Variants in ABCB5 observed in about 807,000 individuals in gnomAD.
The protein encoded by ABCB5 is ATP binding cassette subfamily B member 5.
ABCB5 carries 155 observed loss-of-function variants against 144.2 expected under a neutral mutation model. The observed-to-expected ratio is 1.08, with a 90% CI of 0.94 to 1.23. The LOEUF (loss-of-function observed/expected upper bound fraction) is 1.23, where lower values mean the gene tolerates loss of function less well. ABCB5 is among the 50% of genes most tolerant of loss of function. ABCB5 has a pLI of 0.00. For synonymous variants in ABCB5, 610 were observed against 528.6 expected (o/e 1.15, Z -2.11); for missense variants, 1,830 against 1,520.8 (o/e 1.20, Z -3.38).
At chr7:20,627,558 G>A (rs548440672) in intron 3 of ABCB5, among the ~76,000 whole-genome samples, 7 of 151,972 alleles carry the variant, frequency 4.6e-5, no homozygotes, top group Admixed American at 6.6e-5. Flanking sequence ...TTTTGCTCAT[G>A]ATTTGGTTTT....
At chr7:20,644,135 G>A (rs1784354321) in intron 7 of ABCB5, among the ~76,000 whole-genome samples, 1 of 151,798 alleles carries the variant, frequency 6.6e-6, no homozygotes, top group South Asian at 2.1e-4. Context: ...ACACAGGCTG[G>A]AGTGCAGTGG....
chr7:20,715,149 A>G (rs1364829261), intron 20 of ABCB5, among the ~76,000 whole-genome samples: 3 of 152,070 alleles, frequency 2.0e-5, no homozygotes, highest in Admixed American at 2.0e-4. Context: ...GGTTCACCCA[A>G]TTCTCCTGCC....
At chr7:20,719,508 T>C (rs1331726791) in intron 20 of ABCB5, among the ~76,000 whole-genome samples, 1 of 152,212 alleles carries the variant, frequency 6.6e-6, no homozygotes, top group African/African-American at 2.4e-5. Flanking sequence ...GTATACACTT[T>C]AATGAATATC....
intron 14 of ABCB5, among the ~76,000 whole-genome samples, chr7:20,679,942 C>T (rs1785735302): frequency 6.6e-6 from 1 of 151,730 alleles, no homozygotes; most frequent in Admixed American, 6.6e-5. Flanking sequence ...TACATATGTT[C>T]ATCAAATAAA....
chr7:20,650,482 G>C (rs1033896174), intron 12 of ABCB5, among the ~76,000 whole-genome samples: 3 of 151,960 alleles, frequency 2.0e-5, no homozygotes, highest in Non-Finnish European at 4.4e-5. Context: ...GAAAAATAGC[G>C]TATTAACATC....
Position 20,745,224 on chromosome 7 carries a change from T to G in ABCB5, c.3223-8T>G. 1 of 1,613,802 alleles carries G rather than the reference T, an allele frequency of 6.2e-7. No individual in the cohort carries two copies. The highest frequency in any genetic ancestry group is 1.3e-5 in the African/African-American group (1 of 75,038). On this transcript the variant is annotated splice_polypyrimidine_tract_variant and splice_region_variant and intron_variant, in intron 25 of 27. Transcript: ENST00000404938. ...TTAACACACCATTCTCCAATCTGCT[T>G]TTGGCAGCTGTTTGATGGTGTGGAT... is the stretch of plus-strand genomic sequence containing the variant.
At chr7:20,649,974 C>T in intron 11 of ABCB5, 48 bp from the exon 12 acceptor site, 2 of 1,558,538 alleles carry the variant, frequency 1.3e-6, no homozygotes, top group Non-Finnish European at 8.7e-7. Context: ...ATGTGTCCAT[C>T]ATCTTCTTAT....
chr7:20,725,652 A>C (rs916323566), intron 21 of ABCB5, among the ~76,000 whole-genome samples: 3 of 152,174 alleles, frequency 2.0e-5, no homozygotes, highest in African/African-American at 7.2e-5. Flanking sequence ...GTCTGTAATA[A>C]TATTCATCCC....
chr7:20,653,646 C>A (rs559465904), intron 13 of ABCB5, among the ~76,000 whole-genome samples: 1 of 152,150 alleles, frequency 6.6e-6, no homozygotes, highest in Non-Finnish European at 1.5e-5. Flanking sequence ...GAACACTGAG[C>A]TGAAAGGCAA....
chr7:20,651,902 C>A (rs1784607333), intron 13 of ABCB5, among the ~76,000 whole-genome samples: 1 of 151,076 alleles, frequency 6.6e-6, no homozygotes, highest in Admixed American at 6.6e-5. Flanking sequence ...TGGCCCAAGA[C>A]AATTCTTCTT....
intron 23 of ABCB5, among the ~76,000 whole-genome samples, chr7:20,735,995 T>C (rs1158408206): frequency 6.6e-6 from 1 of 152,148 alleles, no homozygotes; most frequent in Non-Finnish European, 1.5e-5. Context: ...TCCTATCTGT[T>C]GAGAAAAGGA....
In ABCB5 at chr7:20,668,845, A is replaced by T. The variant is rs1172551726; in HGVS notation, c.1707+10169A>T. Among the ~76,000 whole-genome samples the T allele has an allele frequency of 7.5e-3, 579 of 76,804 alleles. 5 individuals carry two copies. The highest frequency in any genetic ancestry group is 0.029 in the African/African-American group (475 of 16,322). The allele number at this position is 76,804 out of a possible 152,430, so 50.4% of individuals were successfully genotyped here. A position where few individuals can be genotyped will look rare whatever the true frequency, so the allele number is the denominator to read the frequency against. On this transcript the variant is annotated intron_variant, in intron 14 of 27. Transcript: ENST00000404938. ...CGGCCAGCCGCCCCGTCCGGGAGGG[A>T]GGTGGGGGGGTCAGCCCCCCGCCCA...
At chr7:20,721,310 G>T (rs1011077572) in intron 20 of ABCB5, among the ~76,000 whole-genome samples, 19 of 152,114 alleles carry the variant, frequency 1.2e-4, no homozygotes, top group African/African-American at 4.6e-4. Flanking sequence ...TATTTTGTCT[G>T]ACTACTTTTG....
intron 5 of ABCB5, among the ~76,000 whole-genome samples, chr7:20,636,954 C>T (rs1219452755): frequency 6.6e-6 from 1 of 151,944 alleles, no homozygotes; most frequent in African/African-American, 2.4e-5. Context: ...TCTATGACAG[C>T]CTTCTATCCG....
intron 13 of ABCB5, among the ~76,000 whole-genome samples, chr7:20,657,023 G>A (rs1256392578): frequency 1.3e-5 from 2 of 150,700 alleles, no homozygotes; most frequent in Non-Finnish European, 2.9e-5. Flanking sequence ...CCAGGCTCAG[G>A]CAGTCCTTCC....
chr7:20,725,998 C>T (rs552367028), intron 21 of ABCB5, among the ~76,000 whole-genome samples: 1 of 152,258 alleles, frequency 6.6e-6, no homozygotes, highest in African/African-American at 2.4e-5. Context: ...CTTCTCTGTC[C>T]CACAGTCCAT....
At chr7:20,618,512 A>G (rs1413147706) in intron 1 of ABCB5, among the ~76,000 whole-genome samples, 1 of 152,086 alleles carries the variant, frequency 6.6e-6, no homozygotes, top group Non-Finnish European at 1.5e-5. Flanking sequence ...CCCTTCGCCC[A>G]GGTAGTGAGC....
intron 14 of ABCB5, chr7:20,667,030 C>A (rs1027664516): frequency 6.6e-5 from 38 of 577,660 alleles, no homozygotes; most frequent in Non-Finnish European, 9.1e-5. Context: ...CATGAATGAT[C>A]TAGTAGAGAT....
At chr7:20,645,729 T>A (rs931218850) in intron 7 of ABCB5, 27 bp from the exon 8 acceptor site, 7 of 1,612,358 alleles carry the variant, frequency 4.3e-6, no homozygotes, top group Non-Finnish European at 5.9e-6. Context: ...AGAGTCATTT[T>A]TTAACTGTGG....
Sources: allele counts gnomAD v4.1 joint callset (sites outside exome capture counted in the v4.1 genomes callset), GRCh38; gene constraint gnomAD v4.1.1; transcripts MANE v1.5; gene names NCBI Gene and HGNC (gene_info 2026-07-23, HGNC 2026-07-21).